Variants in MIB1 observed in about 807,000 individuals in gnomAD.
MIB1 encodes MIB E3 ubiquitin protein ligase 1, also known as E3 ubiquitin-protein ligase MIB1.
Under a neutral mutation model 124.5 loss-of-function variants are expected in MIB1, and 278 were observed. That is an observed-to-expected ratio of 2.23 (90% CI 2.02 to 2.47). The LOEUF is 2.47. MIB1 is among the 30% of genes most tolerant of loss of function. MIB1 has a pLI of 0.00. For synonymous variants in MIB1, 446 were observed against 429.4 expected (o/e 1.04, Z -0.48); for missense variants, 957 against 1,254.4 (o/e 0.76, Z 3.58).
intron 10 of MIB1, among the ~76,000 whole-genome samples, chr18:21,811,319 A>C (rs2041771038): frequency 6.6e-6 from 1 of 152,212 alleles, no homozygotes; most frequent in Admixed American, 6.5e-5. Context: ...CAGTTGCACA[A>C]AAGATTTAAA....
At chr18:21,780,985 A>T (rs2041354638) in intron 6 of MIB1, among the ~76,000 whole-genome samples, 1 of 152,218 alleles carries the variant, frequency 6.6e-6, no homozygotes, top group Non-Finnish European at 1.5e-5. Flanking sequence ...ACTAATTTAA[A>T]GTCCCACCAA....
At chr18:21,853,077 C>T (rs1157310743) in intron 17 of MIB1, 63 bp from the exon 18 acceptor site, 2 of 1,077,384 alleles carry the variant, frequency 1.9e-6, no homozygotes, top group African/African-American at 1.6e-5. Flanking sequence ...TATAATTGAA[C>T]TTGTTAAGAG....
Position 21,856,950 on chromosome 18 carries a change from A to G in MIB1, c.2666-180A>G, listed in dbSNP as rs192172380. On this transcript the variant is annotated intron_variant, in intron 18 of 20. Coordinates refer to ENST00000261537, the MANE Select transcript of MIB1 (RefSeq NM_020774.4). ...TGATGGGCTCTCTATTCTGGAGGCT[A>G]CCGATGGAGAATACTCATTCTTAGG... 2.7e-3 allele frequency among the ~76,000 whole-genome samples: 417 copies of G among 152,346 alleles called. 2 individuals carry two copies. Among genetic ancestry groups the G allele is most frequent in the African/African-American group, 8.9e-3 (372 of 41,574 alleles).
At chr18:21,743,275 A>C (rs1239816039) in intron 1 of MIB1, among the ~76,000 whole-genome samples, 1 of 152,202 alleles carries the variant, frequency 6.6e-6, no homozygotes, top group East Asian at 1.9e-4. Context: ...ATGATAATAA[A>C]CTATATTCAC....
intron 19 of MIB1, 134 bp downstream of exon 19, chr18:21,857,377 A>G: frequency 3.2e-6 from 2 of 630,728 alleles, no homozygotes; most frequent in East Asian, 2.7e-5. Flanking sequence ...TGGAACAGGT[A>G]TTGTTTTCTG....
intron 1 of MIB1, among the ~76,000 whole-genome samples, chr18:21,729,500 T>C (rs912042601): frequency 2.0e-5 from 3 of 152,050 alleles, no homozygotes; most frequent in Middle Eastern, 3.2e-3. Context: ...ATGATAATTA[T>C]TATTTTCGAG....
chr18:21,722,503 T>C (rs1053043751), intron 1 of MIB1, among the ~76,000 whole-genome samples: 2 of 152,082 alleles, frequency 1.3e-5, no homozygotes, highest in Admixed American at 6.6e-5. Flanking sequence ...CCTGAGTAGC[T>C]GAGATTACAG....
intron 1 of MIB1, among the ~76,000 whole-genome samples, chr18:21,749,075 A>G (rs189147579): frequency 2.4e-4 from 37 of 152,084 alleles, no homozygotes; most frequent in African/African-American, 8.7e-4. Flanking sequence ...TTGCACAGCT[A>G]AGGTTTTACT....
intron 17 of MIB1, among the ~76,000 whole-genome samples, chr18:21,852,556 A>G (rs192761228): frequency 2.0e-5 from 3 of 152,310 alleles, no homozygotes; most frequent in East Asian, 1.9e-4. Context: ...GAGGGAGATT[A>G]TGAATAGGCT....
At chr18:21,726,277 G>A (rs2040741797) in intron 1 of MIB1, among the ~76,000 whole-genome samples, 1 of 152,078 alleles carries the variant, frequency 6.6e-6, no homozygotes, top group African/African-American at 2.4e-5. Context: ...GATTGGCTGG[G>A]CGTGGTGGCT....
At chr18:21,815,011 T>TCATATATATA in intron 10 of MIB1, among the ~76,000 whole-genome samples, 1 of 52,652 alleles carries the variant, frequency 1.9e-5, no homozygotes, top group African/African-American at 6.2e-5. Context: ...GCTGTTGGTT[T>TCATATATATA]TATATATATA....
chr18:21,729,919 C>A (rs1252913788), intron 1 of MIB1, among the ~76,000 whole-genome samples: 1 of 152,236 alleles, frequency 6.6e-6, no homozygotes, highest in African/African-American at 2.4e-5. Context: ...GACAAACATT[C>A]AGATCACAGC....
At position 21,799,836 on chromosome 18, in the gene MIB1, TA is replaced by T; in HGVS notation, c.1238-4del. The stretch of plus-strand genomic sequence containing the variant: ...ATATTAGCAGCTTTATTTGATGCTT[TA>T]CAGAAAGACTCTCACAACTCCTGAA... On this transcript the variant is annotated splice_polypyrimidine_tract_variant and splice_region_variant and intron_variant, in intron 8 of 20. Coordinates refer to ENST00000261537, the MANE Select transcript of MIB1 (RefSeq NM_020774.4). The T allele has an allele frequency of 6.2e-7, 1 of 1,608,796 alleles. No individual in the cohort carries two copies. Among genetic ancestry groups the T allele is most frequent in the Non-Finnish European group, 8.5e-7 (1 of 1,176,744 alleles).
At chr18:21,752,644 G>A (rs565199479) in intron 1 of MIB1, among the ~76,000 whole-genome samples, 1 of 152,042 alleles carries the variant, frequency 6.6e-6, no homozygotes, top group Non-Finnish European at 1.5e-5. Context: ...TATTAATGAA[G>A]AATATAAGGA....
intron 20 of MIB1, among the ~76,000 whole-genome samples, chr18:21,858,986 C>T (rs564000494): frequency 1.3e-5 from 2 of 152,304 alleles, no homozygotes; most frequent in South Asian, 4.2e-4. Context: ...GCAGCCGTAA[C>T]TCATACACTG....
intron 7 of MIB1, among the ~76,000 whole-genome samples, chr18:21,797,160 TCA>T (rs1491550669): frequency 7.2e-5 from 11 of 152,182 alleles, no homozygotes; most frequent in African/African-American, 2.6e-4. Flanking sequence ...GAATATGTTA[TCA>T]AAAAAAGAGT....
At chr18:21,710,756 A>G (rs1414924697) in intron 1 of MIB1, among the ~76,000 whole-genome samples, 2 of 152,102 alleles carry the variant, frequency 1.3e-5, no homozygotes, top group African/African-American at 2.4e-5. Context: ...TCTCAAATAT[A>G]TAAGGCCTTT....
chr18:21,820,845 C>T (rs959517481), intron 12 of MIB1, among the ~76,000 whole-genome samples: 6 of 152,212 alleles, frequency 3.9e-5, no homozygotes, highest in African/African-American at 1.2e-4. Flanking sequence ...TAGCTGATTA[C>T]TGAAGCAGCT....
chr18:21,756,428 A>G (rs1345382739), intron 1 of MIB1, among the ~76,000 whole-genome samples: 1 of 152,138 alleles, frequency 6.6e-6, no homozygotes, highest in East Asian at 1.9e-4. Context: ...ATGAGTTTTT[A>G]CCAGTTAGTG....
Sources: gnomAD v4.1 joint callset for allele counts (sites outside exome capture counted in the v4.1 genomes callset) on GRCh38, gnomAD v4.1.1 for gene constraint, MANE v1.5 for transcripts, NCBI Gene and HGNC (gene_info 2026-07-23, HGNC 2026-07-21) for gene names.